SMG9: variants seen among roughly 807,000 people sequenced by gnomAD.
SMG9 encodes SMG9 nonsense mediated mRNA decay factor.
Under a neutral mutation model 64.0 loss-of-function variants are expected in SMG9, and 55 were observed. The observed-to-expected ratio is 0.86, with a 90% CI of 0.69 to 1.08. The LOEUF (loss-of-function observed/expected upper bound fraction) is 1.08. Ranked by LOEUF, SMG9 falls within the 50% of genes least tolerant of loss-of-function variation. The pLI is 0.00. For synonymous variants in SMG9, 244 were observed against 254.8 expected (o/e 0.96, Z 0.41); for missense variants, 554 against 681.3 (o/e 0.81, Z 2.08).
Position 43,747,441 on chromosome 19 carries a change from C to T in SMG9, c.588+1G>A. 6.2e-7 allele frequency: 1 copy of T among 1,613,006 alleles called. No homozygotes were observed. Among genetic ancestry groups the T allele is most frequent in the Non-Finnish European group, 8.5e-7 (1 of 1,179,992 alleles). ...TCAGGCAGGGCAGGACCCCTCGGTA[C>T]CTCGATGGCACTGTCACACCAATTC... On this transcript the variant is annotated splice_donor_variant, in intron 5 of 13. Transcript: ENST00000270066. LOFTEE classifies it high-confidence loss of function.
chr19:43,739,321 G>A (rs1330090476), intron 7 of SMG9, among the ~76,000 whole-genome samples: 3 of 152,186 alleles, frequency 2.0e-5, no homozygotes, highest in African/African-American at 4.8e-5. Context: ...TACTTGCATC[G>A]ATGCACTGAA....
chr19:43,740,038 A>T, intron 7 of SMG9, 69 bp downstream of exon 7: 1 of 1,110,728 alleles, frequency 9.0e-7, no homozygotes, highest in Non-Finnish European at 1.4e-6. Context: ...GTTCTGGCTT[A>T]ATCACATTCC....
At chr19:43,738,295 A>C in intron 7 of SMG9, 78 bp from the exon 8 acceptor site, 302 of 1,249,724 alleles carry the variant, frequency 2.4e-4, no homozygotes, top group Non-Finnish European at 3.2e-4. Flanking sequence ...TGTCTATCTC[A>C]GGACAAAACA....
intron 9 of SMG9, among the ~76,000 whole-genome samples, chr19:43,736,731 G>C (rs1375086676): frequency 1.3e-5 from 2 of 152,222 alleles, no homozygotes; most frequent in Non-Finnish European, 2.9e-5. Context: ...TCGAATGGGG[G>C]AGAAAGATCA....
chr19:43,731,391 C>T lies in SMG9; in HGVS notation c.*205G>A, dbSNP rs1485279190. 3 of 1,380,404 alleles carry T rather than the reference C, an allele frequency of 2.2e-6. No individual in the cohort carries two copies. The highest frequency in any genetic ancestry group is 3.3e-5 in the Admixed American group (1 of 30,584). The allele number at this position is 1,380,404 out of a possible 1,614,324, so 85.5% of individuals were successfully genotyped here. ...CCCCATCTCAGGTTTGGGGTGGGATCGCTCACAGTCACCCCCGGAACAGCC... is the reference window on the plus strand; with the variant it reads ...CCCCATCTCAGGTTTGGGGTGGGATTGCTCACAGTCACCCCCGGAACAGCC... On this transcript the variant is annotated 3_prime_UTR_variant, in exon 14 of 14. Coordinates refer to ENST00000270066, the MANE Select transcript of SMG9 (RefSeq NM_019108.4).
At chr19:43,733,979 G>A in intron 10 of SMG9, 1 of 573,556 alleles carries the variant, frequency 1.7e-6, no homozygotes. Flanking sequence ...AATGAACTGG[G>A]TCTTTGAAGA....
rs751294942 is a variant in SMG9 at position 43,744,815 on chromosome 19, C to T, written c.658G>A (p.Val220Ile). 98 of 1,613,892 alleles carry T rather than the reference C, an allele frequency of 6.1e-5. No homozygotes were observed. The highest frequency in any genetic ancestry group is 5.0e-4 in the Admixed American group (30 of 59,996). ...GTGTTGGCTGACAACAATGACATGACCATGGACTTGCCTGTCCCCTGGAGG... is the reference window on the plus strand; with the variant it reads ...GTGTTGGCTGACAACAATGACATGATCATGGACTTGCCTGTCCCCTGGAGG... ...LGLQGTGKSMVMSLLSANTPE... is the reference protein window; with the variant it reads ...LGLQGTGKSMIMSLLSANTPE... Residue 220 changes from valine (V) to isoleucine (I), a missense_variant, in exon 6 of 14, where the codon GTC (valine) becomes ATC (isoleucine). Transcript: ENST00000270066.
At chr19:43,741,565 G>A (rs894589131) in intron 6 of SMG9, among the ~76,000 whole-genome samples, 16 of 152,128 alleles carry the variant, frequency 1.1e-4, no homozygotes, top group Non-Finnish European at 2.1e-4. Context: ...AGGACCGTAC[G>A]GTGGAAAAAG....
chr19:43,732,926 C>T lies in SMG9; in HGVS notation c.1416G>A (p.Lys472=). 6.2e-7 allele frequency: 1 copy of T among 1,613,916 alleles called. No homozygotes were observed. The highest frequency in any genetic ancestry group is 8.5e-7 in the Non-Finnish European group (1 of 1,179,960). ...CCATGGACATCACTTGGCTCCGGAG[C>T]TTGCTCACCAAGGACTGGAAACTGG... ...GHPSFQSLVS[K]LRSQVMSMAR... Residue 472 remains lysine (K), a synonymous_variant, in exon 13 of 14, where the codon AAG becomes AAA. Coordinates refer to ENST00000270066, the MANE Select transcript of SMG9 (RefSeq NM_019108.4).
rs1174799125 is a variant in SMG9 at position 43,729,088 on chromosome 19, T to A, written c.*2508A>T. 4 of 956,278 alleles carry A rather than the reference T, an allele frequency of 4.2e-6. No homozygotes were observed. The South Asian group carries it at 1.4e-4, about 35-fold the overall frequency. The allele number at this position is 956,278 out of a possible 1,614,324, so 59.2% of individuals were successfully genotyped here. ...GGGTGGCGGGTGACCGGTACATACT[T>A]ACCCACTGTTCAGAAGGCTACTGCC... On this transcript the variant is annotated 3_prime_UTR_variant, in exon 14 of 14. Transcript: ENST00000270066.
At position 43,730,179 on chromosome 19, in the gene SMG9, G is replaced by C. The variant is rs570855367; in HGVS notation, c.*1417C>G. On this transcript the variant is annotated 3_prime_UTR_variant, in exon 14 of 14. Coordinates refer to ENST00000270066, the MANE Select transcript of SMG9 (RefSeq NM_019108.4). Reference sequence around the variant, plus strand: ...TGTGCCACGGGCGGCAGGGGGTGGGGGAGGGCAATGGATGAACAGACTCAG... The same window carrying C: ...TGTGCCACGGGCGGCAGGGGGTGGGCGAGGGCAATGGATGAACAGACTCAG... The C allele has an allele frequency of 1.3e-5, 2 of 152,200 alleles. No individual in the cohort carries two copies. The highest frequency in any genetic ancestry group is 6.5e-5 in the Admixed American group (1 of 15,298). 9.4% of individuals were successfully genotyped at this position (152,200 alleles called of 1,614,324 possible). A position where few individuals can be genotyped will look rare whatever the true frequency, so the allele number is the denominator to read the frequency against.
At chr19:43,749,736 A>C (rs926542026) in intron 2 of SMG9, among the ~76,000 whole-genome samples, 21 of 152,208 alleles carry the variant, frequency 1.4e-4, no homozygotes, top group Admixed American at 1.2e-3. Context: ...TCACCTAGGT[A>C]CAGGAGGGGA....
rs1032908644 is a variant in SMG9, at chr19:43,732,868, C to G, written c.1474G>C (p.Glu492Gln). The change falls in exon 13 of 14, where the codon GAG becomes CAG. Residue 492 changes from glutamate to glutamine, a missense_variant. By Grantham distance (29) the Glu-to-Gln change is conservative. Transcript: ENST00000270066. Reference sequence around the variant, plus strand: ...GCAAAGAGCTCTTACCAGTTCTTCTCGGTGAGGATCGTGTGTGACAGCTGT... The same window carrying G: ...GCAAAGAGCTCTTACCAGTTCTTCTGGGTGAGGATCGTGTGTGACAGCTGT... ...RPQLSHTILT[E>Q]KNWFHYAARI... 1.9e-6 allele frequency: 3 copies of G among 1,613,888 alleles called. No individual in the cohort carries two copies. The highest frequency in any genetic ancestry group is 2.5e-6 in the Non-Finnish European group (3 of 1,180,002).
At position 43,747,649 on chromosome 19, in the gene SMG9, T is replaced by G; in HGVS notation, c.474A>C (p.Ala158=). ...QIQNRGMGTA[A]PAAMDPVVGQ... ...CCAACTCACGGTCCATGGCTGCTGG[T>G]GCGGCAGTGCCCATGCCCCGGTTCT... The change falls in exon 4 of 14, where the codon GCA becomes GCC. Residue 158 remains alanine (A), a synonymous_variant. Transcript: ENST00000270066. The G allele has an allele frequency of 6.2e-7, 1 of 1,613,656 alleles. No individual in the cohort carries two copies. The highest frequency in any genetic ancestry group is 8.5e-7 in the Non-Finnish European group (1 of 1,179,776).
Position 43,732,968 on chromosome 19 carries a change from A to C in SMG9, c.1374T>G (p.Pro458=). Residue 458 remains proline (P), a synonymous_variant, in exon 13 of 14, where the codon CCT becomes CCG. Coordinates refer to ENST00000270066, the MANE Select transcript of SMG9 (RefSeq NM_019108.4). Reference sequence around the variant, plus strand: ...GGAAACTGGGGTGGCCACGATACCCAGGCAGCAGGGAGAAGAGTGGGCTGG... The same window carrying C: ...GGAAACTGGGGTGGCCACGATACCCCGGCAGCAGGGAGAAGAGTGGGCTGG... ...PGSSPLFSLL[P]GYRGHPSFQS... The C allele has an allele frequency of 6.2e-7, 1 of 1,613,636 alleles. No individual in the cohort carries two copies. The highest frequency in any genetic ancestry group is 1.1e-5 in the South Asian group (1 of 91,058).
chr19:43,732,875 G>C lies in SMG9; in HGVS notation c.1467C>G (p.Ile489Met). Residue 489 changes from isoleucine to methionine, a missense_variant, in exon 13 of 14, where the codon ATC (isoleucine) becomes ATG (methionine). Coordinates refer to ENST00000270066, the MANE Select transcript of SMG9 (RefSeq NM_019108.4). The stretch of plus-strand genomic sequence containing the variant: ...GCTCTTACCAGTTCTTCTCGGTGAG[G>C]ATCGTGTGTGACAGCTGTGGCCGGG... ...SMARPQLSHT[I>M]LTEKNWFHYA... The C allele has an allele frequency of 6.2e-7, 1 of 1,613,912 alleles. No homozygotes were observed. The highest frequency in any genetic ancestry group is 8.5e-7 in the Non-Finnish European group (1 of 1,179,996).
rs146914828 is a variant in SMG9, at chr19:43,747,786, C to T, written c.337G>A (p.Val113Met). Residue 113 changes from valine to methionine, a missense_variant, in exon 4 of 14, where the codon GTG becomes ATG. Physicochemically the swap from Val to Met is conservative, Grantham distance 21 (BLOSUM62 1). Transcript: ENST00000270066. Reference protein sequence around the residue: ...PREEGKGPVAVTGASTPEGTA... With the variant: ...PREEGKGPVAMTGASTPEGTA... ...CCCTCAGGGGTAGAGGCACCTGTCACGGCCACAGGCCCCTTCCCCTCCTCC... is the reference window on the plus strand; with the variant it reads ...CCCTCAGGGGTAGAGGCACCTGTCATGGCCACAGGCCCCTTCCCCTCCTCC... The T allele has an allele frequency of 4.3e-4, 691 of 1,606,592 alleles. 1 individual carries two copies. Among genetic ancestry groups the T allele is most frequent in the Admixed American group, 8.2e-4 (49 of 59,450 alleles).
chr19:43,745,792 G>A (rs1316444616), intron 5 of SMG9, among the ~76,000 whole-genome samples: 2 of 152,014 alleles, frequency 1.3e-5, no homozygotes, highest in African/African-American at 4.8e-5. Flanking sequence ...ACCTGAGGTC[G>A]GGAGTTACAG....
At chr19:43,747,388 G>T in intron 5 of SMG9, 54 bp downstream of exon 5, 2 of 1,563,642 alleles carry the variant, frequency 1.3e-6, no homozygotes, top group South Asian at 1.1e-5. Flanking sequence ...AGAGGTGGAA[G>T]ATCAGAGGAT....
Sources: gnomAD v4.1 joint callset for allele counts (sites outside exome capture counted in the v4.1 genomes callset) on GRCh38, gnomAD v4.1.1 for gene constraint, MANE v1.5 for transcripts, NCBI Gene and HGNC (gene_info 2026-07-23, HGNC 2026-07-21) for gene names.